MACROD2: variants seen among roughly 807,000 people sequenced by gnomAD.
MACROD2 encodes the protein mono-ADP ribosylhydrolase 2.
In MACROD2, 36 loss-of-function variants were observed where a neutral mutation model predicts 70.4. That is an observed-to-expected ratio of 0.51 (90% CI 0.39 to 0.68). The LOEUF (loss-of-function observed/expected upper bound fraction) is 0.68. MACROD2 is among the 30% of genes least tolerant of loss of function. The pLI is 0.00. For synonymous variants in MACROD2, 172 were observed against 178.8 expected (o/e 0.96, Z 0.30); for missense variants, 496 against 538.4 (o/e 0.92, Z 0.78).
At chr20:14,862,690 AATATATAT>A (rs1336291764) in intron 5 of MACROD2, among the ~76,000 whole-genome samples, 6 of 55,834 alleles carry the variant, frequency 1.1e-4, no homozygotes, top group Admixed American at 3.0e-4. Flanking sequence ...TATATATATA[AATATATAT>A]AAATATATAT....
At chr20:15,378,452 G>A (rs2045596370) in intron 6 of MACROD2, among the ~76,000 whole-genome samples, 1 of 152,008 alleles carries the variant, frequency 6.6e-6, no homozygotes, top group Admixed American at 6.6e-5. Flanking sequence ...AAATTGAGAT[G>A]TATGAGTGAT....
chr20:16,049,891 G>T lies in MACROD2; in HGVS notation c.*15G>T. On this transcript the variant is annotated 3_prime_UTR_variant, in exon 18 of 18. Transcript: ENST00000684519. ...GAACTAAATGACAATCCTCAGCATC[G>T]CAAGGCCTCTCCTGGCTCTGGGGGA... is the stretch of plus-strand genomic sequence containing the variant. 2.6e-6 allele frequency: 4 copies of T among 1,556,734 alleles called. No individual in the cohort carries two copies. The highest frequency in any genetic ancestry group is 3.5e-6 in the Non-Finnish European group (4 of 1,145,000).
chr20:15,197,885 C>T (rs1420641399), intron 5 of MACROD2, among the ~76,000 whole-genome samples: 3 of 150,208 alleles, frequency 2.0e-5, no homozygotes, highest in Non-Finnish European at 3.0e-5. Flanking sequence ...TTTGTAGAGA[C>T]GGGTTTTTGC....
intron 5 of MACROD2, among the ~76,000 whole-genome samples, chr20:14,705,192 C>T (rs907097509): frequency 2.6e-5 from 4 of 152,030 alleles, no homozygotes; most frequent in African/African-American, 7.2e-5. Flanking sequence ...GATCTCTAGG[C>T]GTGTTTATTC....
At chr20:14,017,209 A>G (rs1210280082) in intron 2 of MACROD2, among the ~76,000 whole-genome samples, 1 of 152,118 alleles carries the variant, frequency 6.6e-6, no homozygotes, top group African/African-American at 2.4e-5. Context: ...TGCAGCTTTG[A>G]TGTATTCAAG....
rs1173688272 is a variant in MACROD2, at chr20:15,157,362, TCCCCCCCC to T, written c.419-72574_419-72567del. 4.0e-3 allele frequency among the ~76,000 whole-genome samples: 84 copies of T among 21,024 alleles called. 2 individuals carry two copies. Among genetic ancestry groups the T allele is most frequent in the African/African-American group, 0.015 (81 of 5,278 alleles). 13.8% of individuals were successfully genotyped at this position (21,024 alleles called of 152,430 possible). ...ATCTAATTAACCACCCCCCCCCACC[TCCCCCCCC>T]CCCGGCCACCCAGGCTTCACCTCTA... On this transcript the variant is annotated intron_variant, in intron 5 of 17. Transcript: ENST00000684519.
intron 6 of MACROD2, among the ~76,000 whole-genome samples, chr20:15,385,771 A>G (rs890840704): frequency 1.3e-5 from 2 of 152,200 alleles, no homozygotes; most frequent in Admixed American, 1.3e-4. Context: ...CTAAAGTTAA[A>G]TTCAGCCAAC....
chr20:15,189,110 G>C (rs936460407), intron 5 of MACROD2, among the ~76,000 whole-genome samples: 12 of 152,054 alleles, frequency 7.9e-5, no homozygotes, highest in African/African-American at 2.9e-4. Context: ...CTGAGTGAAG[G>C]GATTGAGAGC....
chr20:15,916,914 CT>C (rs1260203231), intron 10 of MACROD2, among the ~76,000 whole-genome samples: 2 of 152,222 alleles, frequency 1.3e-5, no homozygotes, highest in Non-Finnish European at 2.9e-5. Context: ...GGTCAGTACA[CT>C]TCTGTAAAGG....
chr20:14,829,453 C>T (rs2072939676), intron 5 of MACROD2, among the ~76,000 whole-genome samples: 1 of 151,932 alleles, frequency 6.6e-6, no homozygotes, highest in East Asian at 1.9e-4. Context: ...AGTTGCACAT[C>T]TCCAGGATAG....
At chr20:14,963,485 A>C (rs1229983709) in intron 5 of MACROD2, among the ~76,000 whole-genome samples, 1 of 152,164 alleles carries the variant, frequency 6.6e-6, no homozygotes, top group African/African-American at 2.4e-5. Flanking sequence ...AGGCACAGGA[A>C]ATCTGAGATT....
intron 8 of MACROD2, among the ~76,000 whole-genome samples, chr20:15,822,516 G>T (rs1319127416): frequency 6.6e-6 from 1 of 152,114 alleles, no homozygotes; most frequent in South Asian, 2.1e-4. Flanking sequence ...GAAAGTTATT[G>T]TGCAATTTAC....
At chr20:16,014,591 A>T (rs1346722885) in intron 15 of MACROD2, among the ~76,000 whole-genome samples, 1 of 152,198 alleles carries the variant, frequency 6.6e-6, no homozygotes, top group African/African-American at 2.4e-5. Flanking sequence ...TCTGATCACC[A>T]TCTGGGTTCA....
At chr20:14,240,379 A>C (rs558242743) in intron 3 of MACROD2, among the ~76,000 whole-genome samples, 1 of 152,346 alleles carries the variant, frequency 6.6e-6, no homozygotes, top group East Asian at 1.9e-4. Context: ...GCAAAAAAGA[A>C]AATGCACTTG....
intron 8 of MACROD2, among the ~76,000 whole-genome samples, chr20:15,538,304 G>A (rs554587151): frequency 4.6e-5 from 7 of 152,140 alleles, no homozygotes; most frequent in African/African-American, 1.2e-4. Context: ...TGAAAGGAAG[G>A]GGATAGATTT....
chr20:15,774,166 C>G (rs911551958), intron 8 of MACROD2, among the ~76,000 whole-genome samples: 2 of 152,200 alleles, frequency 1.3e-5, no homozygotes, highest in African/African-American at 4.8e-5. Flanking sequence ...TGTTTTGAAA[C>G]TTGCTTTTGG....
intron 4 of MACROD2, among the ~76,000 whole-genome samples, chr20:14,579,124 ATTC>A (rs1202221950): frequency 4.9e-5 from 6 of 123,612 alleles, no homozygotes; most frequent in African/African-American, 1.8e-4. Context: ...ACTGTATCCA[ATTC>A]TTTTTTTTTT....
Position 15,603,543 on chromosome 20 carries a change from A to G in MACROD2, c.645+103696A>G, listed in dbSNP as rs923139883. On this transcript the variant is annotated intron_variant, in intron 8 of 17. Coordinates refer to ENST00000684519, the MANE Select transcript of MACROD2 (RefSeq NM_001351661.2). ...AAAAAGATATAAGGGAAATAGCCAT[A>G]AATCTATTCATAGATAAATTGCAAT... Among the ~76,000 whole-genome samples, 6 of 152,116 alleles carry G rather than the reference A, an allele frequency of 3.9e-5. No homozygotes were observed. In the East Asian group the frequency reaches 1.2e-3, roughly 29 times the overall value.
intron 6 of MACROD2, among the ~76,000 whole-genome samples, chr20:15,273,082 A>G (rs1236587582): frequency 1.3e-5 from 2 of 152,190 alleles, no homozygotes; most frequent in Non-Finnish European, 2.9e-5. Context: ...ATTGAAGGAT[A>G]CAAGGTATTG....
Sources: allele counts gnomAD v4.1 joint callset (sites outside exome capture counted in the v4.1 genomes callset), GRCh38; gene constraint gnomAD v4.1.1; transcripts MANE v1.5; gene names NCBI Gene and HGNC (gene_info 2026-07-23, HGNC 2026-07-21).